The following GABRA1 variants were observed in gnomAD, a reference collection of about 807,000 sequenced individuals.
The protein encoded by GABRA1 is gamma-aminobutyric acid type A receptor subunit alpha1.
Under a neutral mutation model 48.9 loss-of-function variants are expected in GABRA1, and 9 were observed. The ratio of observed to expected loss-of-function variants is 0.18; its 90% CI spans 0.11 to 0.32. The LOEUF is 0.32. Ranked by LOEUF, GABRA1 falls within the 10% of genes least tolerant of loss-of-function variation. GABRA1 has a pLI of 1.00. For missense variants in GABRA1, 285 were observed against 553.8 expected, an observed-to-expected ratio of 0.51 and a Z score of 4.87; for synonymous variants, 210 against 198.7, an observed-to-expected ratio of 1.06 and a Z score of -0.48.
chr5:161,860,564 T>C (rs769932090), intron 3 of GABRA1, among the ~76,000 whole-genome samples: 1 of 151,850 alleles, frequency 6.6e-6, no homozygotes, highest in Non-Finnish European at 1.5e-5. Context: ...TAAGACCTAG[T>C]ATTTAATAGC....
intron 3 of GABRA1, among the ~76,000 whole-genome samples, chr5:161,858,715 G>A (rs1757743679): frequency 6.6e-6 from 1 of 151,764 alleles, no homozygotes; most frequent in Admixed American, 6.6e-5. Context: ...ACACAAACAT[G>A]CTATAGCTGA....
Position 161,899,734 on chromosome 5 carries a change from T to C in GABRA1, c.*2312T>C, listed in dbSNP as rs1407723208. The C allele has an allele frequency of 6.6e-6, 1 of 152,170 alleles. No homozygotes were observed. Among genetic ancestry groups the C allele is most frequent in the Non-Finnish European group, 1.5e-5 (1 of 68,006 alleles). The allele number at this position is 152,170 out of a possible 1,614,324, so 9.4% of individuals were successfully genotyped here. A position where few individuals can be genotyped will look rare whatever the true frequency, so the allele number is the denominator to read the frequency against. ...TTCCTTGAAAATAAAGATACACTCT[T>C]ATAGGGGACAGTTCCTGTTCACTCC... On this transcript the variant is annotated 3_prime_UTR_variant, in exon 10 of 10. Coordinates refer to ENST00000393943, the MANE Select transcript of GABRA1 (RefSeq NM_001127644.2).
intron 4 of GABRA1, among the ~76,000 whole-genome samples, chr5:161,868,133 G>A (rs897384995): frequency 6.6e-6 from 1 of 151,896 alleles, no homozygotes; most frequent in African/African-American, 2.4e-5. Flanking sequence ...TAAGACAATA[G>A]GGTAGAAGGC....
At chr5:161,850,956 A>T (rs1757424903) in intron 2 of GABRA1, 72 bp downstream of exon 2, 1 of 1,293,866 alleles carries the variant, frequency 7.7e-7, no homozygotes, top group Admixed American at 1.7e-5. Context: ...GGGGAAGAAA[A>T]TTGTCCTCAA....
At chr5:161,868,515 TC>T (rs1753973656) in intron 4 of GABRA1, among the ~76,000 whole-genome samples, 1 of 152,156 alleles carries the variant, frequency 6.6e-6, no homozygotes, top group African/African-American at 2.4e-5. Flanking sequence ...TACAGAAATT[TC>T]CTTTTTCTCA....
intron 3 of GABRA1, among the ~76,000 whole-genome samples, chr5:161,862,583 T>C (rs1344628794): frequency 6.6e-6 from 1 of 151,950 alleles, no homozygotes; most frequent in Non-Finnish European, 1.5e-5. Context: ...CTCACATCTC[T>C]ATCCATCCCC....
chr5:161,861,236 A>G (rs142193781), intron 3 of GABRA1, among the ~76,000 whole-genome samples: 3 of 151,860 alleles, frequency 2.0e-5, no homozygotes, highest in South Asian at 2.1e-4. Flanking sequence ...TACTCACTGC[A>G]TGCTTGTATC....
intron 9 of GABRA1, 104 bp downstream of exon 9, chr5:161,895,972 T>C: frequency 2.1e-6 from 2 of 961,518 alleles, no homozygotes; most frequent in South Asian, 1.3e-5. Flanking sequence ...TGCAGAATAA[T>C]AAGGATTCTT....
chr5:161,882,596 A>C lies in GABRA1; in HGVS notation c.598A>C (p.Arg200=). The C allele has an allele frequency of 6.2e-7, 1 of 1,613,702 alleles. No individual in the cohort carries two copies. The highest frequency in any genetic ancestry group is 8.5e-7 in the Non-Finnish European group (1 of 1,179,746). Residue 200 remains arginine (R), a synonymous_variant, in exon 7 of 10, where the codon AGA becomes CGA. Transcript: ENST00000393943. ...AGCAGAAGTTGTTTATGAATGGACC[A>C]GAGAGCCAGCACGCTCAGTGGTTGT... is the stretch of plus-strand genomic sequence containing the variant. ...TRAEVVYEWT[R]EPARSVVVAE...
At position 161,875,653 on chromosome 5, in the gene GABRA1, T is replaced by A; in HGVS notation, c.559+11T>A. 1 of 1,579,564 alleles carries A rather than the reference T, an allele frequency of 6.3e-7. No homozygotes were observed. The highest frequency in any genetic ancestry group is 1.1e-5 in the South Asian group (1 of 90,368). On this transcript the variant is annotated intron_variant, in intron 6 of 9. Coordinates refer to ENST00000393943, the MANE Select transcript of GABRA1 (RefSeq NM_001127644.2). ...TAAAATTTGGAAGTTGTGAGTAAAT[T>A]TATATGGACTTTTCTTGATTGTAAG... is the stretch of plus-strand genomic sequence containing the variant.
Position 161,897,425 on chromosome 5 carries a change from C to A in GABRA1, c.*3C>A. ...AAGCCCCCACACCACATCAATAGAT[C>A]TTTTACTCACATTCTGTTGTTCAGT... On this transcript the variant is annotated 3_prime_UTR_variant, in exon 10 of 10. Transcript: ENST00000393943. 1 of 1,611,692 alleles carries A rather than the reference C, an allele frequency of 6.2e-7. No individual in the cohort carries two copies. Among genetic ancestry groups the A allele is most frequent in the Non-Finnish European group, 8.5e-7 (1 of 1,177,920 alleles).
intron 4 of GABRA1, 132 bp downstream of exon 4, chr5:161,865,920 A>T (rs946137049): frequency 6.2e-6 from 4 of 649,858 alleles, no homozygotes; most frequent in Non-Finnish European, 1.1e-5. Flanking sequence ...TTCTGTGTGT[A>T]ATATGTAATA....
At chr5:161,867,976 A>G (rs1486156951) in intron 4 of GABRA1, among the ~76,000 whole-genome samples, 1 of 151,992 alleles carries the variant, frequency 6.6e-6, no homozygotes, top group African/African-American at 2.4e-5. Flanking sequence ...TCACAGTATT[A>G]GTTCATTGTT....
intron 6 of GABRA1, among the ~76,000 whole-genome samples, chr5:161,876,135 C>T (rs1352826325): frequency 6.6e-6 from 1 of 152,012 alleles, no homozygotes; most frequent in Non-Finnish European, 1.5e-5. Flanking sequence ...ATACCCTAAT[C>T]ATAGTCTTAG....
At chr5:161,886,388 G>A (rs967787981) in intron 7 of GABRA1, among the ~76,000 whole-genome samples, 1 of 151,128 alleles carries the variant, frequency 6.6e-6, no homozygotes, top group African/African-American at 2.4e-5. Context: ...GAGCTATTGT[G>A]AGATGGAAAT....
chr5:161,872,675 G>T (rs1019435412), intron 4 of GABRA1, among the ~76,000 whole-genome samples: 5 of 152,108 alleles, frequency 3.3e-5, no homozygotes, highest in African/African-American at 1.2e-4. Context: ...GGTTTTCAGA[G>T]ACAATGAGAG....
At chr5:161,884,384 G>A (rs1456777537) in intron 7 of GABRA1, among the ~76,000 whole-genome samples, 1 of 152,130 alleles carries the variant, frequency 6.6e-6, no homozygotes, top group East Asian at 1.9e-4. Flanking sequence ...CACATAAACT[G>A]TAATTATCAA....
At chr5:161,892,687 AAAC>A (rs1755148511) in intron 8 of GABRA1, among the ~76,000 whole-genome samples, 1 of 151,956 alleles carries the variant, frequency 6.6e-6, no homozygotes, top group Non-Finnish European at 1.5e-5. Context: ...ACAAACAAAC[AAAC>A]AAACAAACAA....
chr5:161,875,494 C>T, intron 5 of GABRA1, 66 bp from the exon 6 acceptor site: 1 of 1,235,462 alleles, frequency 8.1e-7, no homozygotes, highest in South Asian at 1.2e-5. Flanking sequence ...AATAACATTC[C>T]ACTTGTACTT....
Sources: allele counts gnomAD v4.1 joint callset (sites outside exome capture counted in the v4.1 genomes callset), GRCh38; gene constraint gnomAD v4.1.1; transcripts MANE v1.5; gene names NCBI Gene and HGNC (gene_info 2026-07-23, HGNC 2026-07-21).